ENOX2: variants seen among roughly 807,000 people sequenced by gnomAD.
The protein encoded by ENOX2 is APK1 antigen.
A neutral mutation model predicts 45.0 loss-of-function variants in ENOX2; 36 were observed. That is an observed-to-expected ratio of 0.80 (90% CI 0.61 to 1.06). The LOEUF (loss-of-function observed/expected upper bound fraction) is 1.06. Ranked by LOEUF, ENOX2 falls within the 50% of genes least tolerant of loss-of-function variation. The pLI is 0.00. For missense variants in ENOX2, 423 were observed against 462.5 expected (o/e 0.91, Z 0.78); for synonymous variants, 174 against 152.3 (o/e 1.14, Z -1.05).
intron 2 of ENOX2, among the ~76,000 whole-genome samples, chrX:130,803,970 G>A (rs2077260483): frequency 9.0e-6 from 1 of 111,254 alleles, no homozygotes; most frequent in Non-Finnish European, 1.9e-5. Context: ...AAATTCATAT[G>A]GACCCCAAAC....
At chrX:130,736,499 C>T (rs908175042) in intron 3 of ENOX2, among the ~76,000 whole-genome samples, 1 of 112,236 alleles carries the variant, frequency 8.9e-6, no homozygotes, top group African/African-American at 3.2e-5. Context: ...TTTTATGTAA[C>T]GGGCTATACT....
chrX:130,662,824 T>C (rs922682531), intron 9 of ENOX2, among the ~76,000 whole-genome samples: 21 of 112,495 alleles, frequency 1.9e-4, no homozygotes, highest in African/African-American at 6.1e-4. Flanking sequence ...GGTGTAGTAC[T>C]GAACAAGATT....
At chrX:130,740,136 C>T (rs1325456586) in intron 3 of ENOX2, among the ~76,000 whole-genome samples, 2 of 112,242 alleles carry the variant, frequency 1.8e-5, no homozygotes, top group African/African-American at 6.5e-5. Context: ...GGCGTGGTGG[C>T]TCACGCGTGT....
chrX:130,805,752 A>C (rs192968463), intron 2 of ENOX2, among the ~76,000 whole-genome samples: 1 of 111,848 alleles, frequency 8.9e-6, no homozygotes, highest in East Asian at 2.8e-4. Flanking sequence ...GAGGCATGGA[A>C]CTGAGGCAGA....
At chrX:130,828,426 T>G (rs1449536803) in intron 2 of ENOX2, among the ~76,000 whole-genome samples, 1 of 112,287 alleles carries the variant, frequency 8.9e-6, no homozygotes, top group Non-Finnish European at 1.9e-5. Flanking sequence ...TTAGCTAGGA[T>G]AATTAAATCT....
chrX:130,732,241 C>G (rs754090866), intron 3 of ENOX2, among the ~76,000 whole-genome samples: 4 of 111,568 alleles, frequency 3.6e-5, no homozygotes, highest in Non-Finnish European at 7.5e-5. Context: ...GAAAACAATT[C>G]CTATTAATAA....
At chrX:130,866,833 G>C (rs2078499217) in intron 2 of ENOX2, among the ~76,000 whole-genome samples, 2 of 110,418 alleles carry the variant, frequency 1.8e-5, no homozygotes, top group Admixed American at 1.9e-4. Context: ...TTAACAGTAA[G>C]ACAAGTTTCT....
chrX:130,667,627 A>G lies in ENOX2; in HGVS notation c.810T>C (p.His270=). The G allele has an allele frequency of 8.3e-7, 1 of 1,211,675 alleles. No individual in the cohort carries two copies. The highest frequency in any genetic ancestry group is 1.8e-5 in the South Asian group (1 of 56,997). The part of the protein sequence containing the change: ...FYSMIQSANS[H]VRRLVNEKAA... ...CTTTCTCGTTCACCAGGCGGCGGAC[A>G]TGGCTGTTGGCCGACTGGATCATGG... Residue 270 remains histidine, a synonymous_variant, in exon 8 of 15, where the codon CAT becomes CAC. Transcript: ENST00000394363.
At chrX:130,689,513 C>G in intron 4 of ENOX2, among the ~76,000 whole-genome samples, 1 of 112,227 alleles carries the variant, frequency 8.9e-6, no homozygotes, top group African/African-American at 3.2e-5. Flanking sequence ...ACCTACGCTA[C>G]AGGAAGCTGT....
At chrX:130,698,468 C>CCAT (rs2037819104) in intron 4 of ENOX2, among the ~76,000 whole-genome samples, 1 of 109,336 alleles carries the variant, frequency 9.1e-6, no homozygotes, top group South Asian at 4.0e-4. Context: ...CTTGAGAGTA[C>CCAT]CATCAGTAGG....
intron 3 of ENOX2, among the ~76,000 whole-genome samples, chrX:130,729,336 C>T (rs887678895): frequency 1.8e-5 from 2 of 112,104 alleles, no homozygotes; most frequent in Non-Finnish European, 3.8e-5. Flanking sequence ...TTAGAGTTTG[C>T]ACATCAGGAT....
intron 3 of ENOX2, among the ~76,000 whole-genome samples, chrX:130,706,147 G>A (rs752084952): frequency 3.6e-5 from 4 of 111,952 alleles, no homozygotes; most frequent in African/African-American, 1.3e-4. Flanking sequence ...ACTTTTTTGA[G>A]TCTTACTATA....
intron 8 of ENOX2, among the ~76,000 whole-genome samples, chrX:130,666,741 T>C (rs948795567): frequency 1.8e-5 from 2 of 111,829 alleles, no homozygotes; most frequent in Non-Finnish European, 3.8e-5. Flanking sequence ...CAACTCCCCC[T>C]TAATCACAAT....
intron 2 of ENOX2, among the ~76,000 whole-genome samples, chrX:130,871,280 T>C (rs1276446909): frequency 9.0e-6 from 1 of 111,586 alleles, no homozygotes. Context: ...AATCCAAATA[T>C]ATTGTTCTAT....
chrX:130,809,903 C>T (rs1569504383), intron 2 of ENOX2, among the ~76,000 whole-genome samples: 1 of 111,088 alleles, frequency 9.0e-6, no homozygotes, highest in Non-Finnish European at 1.9e-5. Flanking sequence ...TGGACTAGAG[C>T]TTCTTGCACT....
intron 2 of ENOX2, among the ~76,000 whole-genome samples, chrX:130,787,280 CGGAGGTTT>C (rs2076984855): frequency 9.0e-6 from 1 of 111,658 alleles, no homozygotes. Flanking sequence ...GAGGATTTTC[CGGAGGTTT>C]GGAGCCACAA....
chrX:130,654,311 G>C (rs748042561), intron 10 of ENOX2, among the ~76,000 whole-genome samples: 2 of 111,104 alleles, frequency 1.8e-5, no homozygotes, highest in East Asian at 5.7e-4. Flanking sequence ...TCAAATAACA[G>C]AAATTTTGTG....
chrX:130,668,653 C>G (rs1049305284), intron 7 of ENOX2, among the ~76,000 whole-genome samples: 45 of 111,997 alleles, frequency 4.0e-4, no homozygotes, highest in African/African-American at 1.4e-3. Flanking sequence ...GGCTTCACAT[C>G]CTTCTCTGGC....
chrX:130,857,491 C>G (rs149277202), intron 2 of ENOX2, among the ~76,000 whole-genome samples: 10 of 112,080 alleles, frequency 8.9e-5, no homozygotes, highest in African/African-American at 3.2e-4. Flanking sequence ...GAAAGTGAAA[C>G]GGAGAAGTAT....
Sources: gnomAD v4.1 joint callset for allele counts (sites outside exome capture counted in the v4.1 genomes callset) on GRCh38, gnomAD v4.1.1 for gene constraint, MANE v1.5 for transcripts, NCBI Gene and HGNC (gene_info 2026-07-23, HGNC 2026-07-21) for gene names.